The following HECA variants were observed in gnomAD, a reference collection of about 807,000 sequenced individuals.
The protein encoded by HECA is HECA ribonucleoprotein granule regulator.
HECA carries 13 observed loss-of-function variants against 37.6 expected under a neutral mutation model. That is an observed-to-expected ratio of 0.35 (90% CI 0.23 to 0.55). The LOEUF (loss-of-function observed/expected upper bound fraction) is 0.55. Among genes scored for constraint, HECA ranks in the 20% least tolerant of loss-of-function variants. The pLI is 0.90. For missense variants in HECA, 527 were observed against 701.9 expected (o/e 0.75, Z 2.82); for synonymous variants, 307 against 291.5 (o/e 1.05, Z -0.54).
At chr6:139,152,749 G>T (rs535656459) in intron 1 of HECA, among the ~76,000 whole-genome samples, 83 of 152,118 alleles carry the variant, frequency 5.5e-4, no homozygotes, top group African/African-American at 1.9e-3. Flanking sequence ...TTTATTTTTA[G>T]TAGAAAAAAG....
At position 139,157,210 on chromosome 6, in the gene HECA, G is replaced by C. The variant is rs1458554621; in HGVS notation, c.272-9074G>C. On this transcript the variant is annotated intron_variant, in intron 1 of 3. Transcript: ENST00000367658. The stretch of plus-strand genomic sequence containing the variant: ...GGCACTGGTGGGAGTGGAGCAGTGA[G>C]AATGACCAGAGGTCACTCTCGTCAC... 2.6e-5 allele frequency among the ~76,000 whole-genome samples: 4 copies of C among 152,198 alleles called. No homozygotes were observed. In the East Asian group the frequency reaches 7.7e-4, roughly 29 times the overall value.
intron 1 of HECA, among the ~76,000 whole-genome samples, chr6:139,137,631 C>CTTTTTTCTT (rs1774465436): frequency 8.1e-6 from 1 of 123,694 alleles, no homozygotes; most frequent in Admixed American, 8.5e-5. Flanking sequence ...CTACCAGCTC[C>CTTTTTTCTT]TTTTTTTTTT....
intron 1 of HECA, among the ~76,000 whole-genome samples, chr6:139,160,894 C>A (rs535309589): frequency 3.3e-4 from 51 of 152,278 alleles, no homozygotes; most frequent in African/African-American, 1.2e-3. Flanking sequence ...TGTACATGAG[C>A]TGAATAGGGC....
At chr6:139,144,147 TTCATTCATTAGATCC>T (rs1326099712) in intron 1 of HECA, 5 of 152,298 alleles carry the variant, frequency 3.3e-5, no homozygotes, top group Admixed American at 3.3e-4. Flanking sequence ...TAGATCCTCA[TTCATTCATTAGATCC>T]TCATTCATTA....
At chr6:139,156,565 G>A (rs1380211474) in intron 1 of HECA, among the ~76,000 whole-genome samples, 2 of 151,972 alleles carry the variant, frequency 1.3e-5, no homozygotes, top group African/African-American at 2.4e-5. Flanking sequence ...AAAACATCCT[G>A]GAAATCAGTA....
chr6:139,148,554 A>G (rs971647630), intron 1 of HECA, among the ~76,000 whole-genome samples: 5 of 152,184 alleles, frequency 3.3e-5, no homozygotes, highest in Non-Finnish European at 5.9e-5. Context: ...ACTTGAGGTC[A>G]AGAGTTTGAG....
rs1562248260 is a variant in HECA, at chr6:139,166,690, G to T, written c.678G>T (p.Arg226Ser). 1.2e-6 allele frequency: 2 copies of T among 1,612,608 alleles called. No individual in the cohort carries two copies. The highest frequency in any genetic ancestry group is 1.7e-6 in the Non-Finnish European group (2 of 1,179,334). ...CGGCGGAGGAGGCAAAAAAGTGCAG[G>T]CCCCCAAATAAGCCCCAGAAAGGCC... ...GEAAEEAKKCRPPNKPQKGPS... is the reference protein window; with the variant it reads ...GEAAEEAKKCSPPNKPQKGPS... The change falls in exon 2 of 4, where the codon AGG becomes AGT. Residue 226 changes from arginine (R) to serine (S), a missense_variant. Arg to Ser is a moderately radical substitution (Grantham distance 110). Around this residue, in one of 4 missense-constraint regions of HECA, gnomAD observed 228 missense variants for 259.8 expected, o/e 0.88. Transcript: ENST00000367658.
chr6:139,174,923 G>A (rs930342116), intron 3 of HECA, among the ~76,000 whole-genome samples: 4 of 152,070 alleles, frequency 2.6e-5, no homozygotes, highest in African/African-American at 9.7e-5. Context: ...CTAAGATTCT[G>A]TATGATTAGC....
rs115236862 is a variant in HECA, at chr6:139,146,329, G to T, written c.271+10662G>T. Reference sequence around the variant, plus strand: ...TAAGCATAGGTTTGATTATACTTTAGATCATGTCCCTTCAAGTTATAAAGT... The same window carrying T: ...TAAGCATAGGTTTGATTATACTTTATATCATGTCCCTTCAAGTTATAAAGT... On this transcript the variant is annotated intron_variant, in intron 1 of 3. Transcript: ENST00000367658. Among the ~76,000 whole-genome samples the T allele has an allele frequency of 4.3e-3, 654 of 152,258 alleles. 3 individuals carry two copies. The highest frequency in any genetic ancestry group is 0.015 in the African/African-American group (603 of 41,520).
At position 139,177,239 on chromosome 6, in the gene HECA, T is replaced by A; in HGVS notation, c.*134T>A. 1 of 590,458 alleles carries A rather than the reference T, an allele frequency of 1.7e-6. No individual in the cohort carries two copies. Among genetic ancestry groups the A allele is most frequent in the Non-Finnish European group, 2.9e-6 (1 of 339,376 alleles). The allele number at this position is 590,458 out of a possible 1,614,324, so 36.6% of individuals were successfully genotyped here. A position where few individuals can be genotyped will look rare whatever the true frequency, so the allele number is the denominator to read the frequency against. On this transcript the variant is annotated 3_prime_UTR_variant, in exon 4 of 4. Coordinates refer to ENST00000367658, the MANE Select transcript of HECA (RefSeq NM_016217.3). This position sits in a 1 kb window ranked among gnomAD's most constrained non-coding sequence, Gnocchi z 4.9. ...AGTTACTTTGTTGTATGTGTGCCAC[T>A]AAAATAGGGGCTGCCCTTGCCCTGT...
intron 1 of HECA, among the ~76,000 whole-genome samples, chr6:139,146,495 C>G (rs181928209): frequency 7.2e-5 from 11 of 152,288 alleles, no homozygotes; most frequent in Non-Finnish European, 1.3e-4. Flanking sequence ...AGGTAACACA[C>G]TAGTTGTTAT....
At chr6:139,164,078 A>ACTCTCT (rs1334773429) in intron 1 of HECA, among the ~76,000 whole-genome samples, 7 of 78,548 alleles carry the variant, frequency 8.9e-5, no homozygotes, top group Non-Finnish European at 1.9e-4. Flanking sequence ...ACACACACAC[A>ACTCTCT]CACTCTCTCT....
rs929063578 is a variant in HECA, at chr6:139,154,354, G to A, written c.272-11930G>A. Reference sequence around the variant, plus strand: ...CTTAGCTACCTGGAGAATGTGTGCTGCACCAAAACAGCATTCTGATTCACA... The same window carrying A: ...CTTAGCTACCTGGAGAATGTGTGCTACACCAAAACAGCATTCTGATTCACA... On this transcript the variant is annotated intron_variant, in intron 1 of 3. Transcript: ENST00000367658. Among the ~76,000 whole-genome samples the A allele has an allele frequency of 2.0e-5, 3 of 151,126 alleles. No homozygotes were observed. In the East Asian group the frequency reaches 5.8e-4, roughly 29 times the overall value.
chr6:139,167,922 T>A (rs772033736), intron 2 of HECA, among the ~76,000 whole-genome samples: 1 of 152,188 alleles, frequency 6.6e-6, no homozygotes, highest in Non-Finnish European at 1.5e-5. Flanking sequence ...AGCCATAAAT[T>A]GAATGACACG....
At chr6:139,149,364 T>C (rs907246777) in intron 1 of HECA, among the ~76,000 whole-genome samples, 1 of 152,236 alleles carries the variant, frequency 6.6e-6, no homozygotes, top group African/African-American at 2.4e-5. Context: ...AAAGTGAGCA[T>C]GACATGATAC....
chr6:139,153,566 G>T (rs1260024954), intron 1 of HECA, among the ~76,000 whole-genome samples: 1 of 151,930 alleles, frequency 6.6e-6, no homozygotes, highest in African/African-American at 2.4e-5. Flanking sequence ...GGGATTACAG[G>T]CACGTGCCAC....
rs1277597946 is a variant in HECA at position 139,177,841 on chromosome 6, G to C, written c.*736G>C. 1.3e-5 allele frequency: 2 copies of C among 152,182 alleles called. No individual in the cohort carries two copies. Among genetic ancestry groups the C allele is most frequent in the African/African-American group, 4.8e-5 (2 of 41,440 alleles). 9.4% of individuals were successfully genotyped at this position (152,182 alleles called of 1,614,324 possible). On this transcript the variant is annotated 3_prime_UTR_variant, in exon 4 of 4. Transcript: ENST00000367658. This position sits in a 1 kb window ranked among gnomAD's most constrained non-coding sequence, Gnocchi z 4.9. ...TCATTTAAATTGTGTCTTTGAAGTT[G>C]GTAATATAGCTTTTAAGGAGAACCC...
intron 1 of HECA, among the ~76,000 whole-genome samples, chr6:139,141,190 G>A (rs1774508793): frequency 6.6e-6 from 1 of 152,030 alleles, no homozygotes; most frequent in Admixed American, 6.6e-5. Flanking sequence ...AGCTTTCTTT[G>A]CCTTTCTGGT....
chr6:139,168,986 G>T (rs1774933519), intron 2 of HECA, among the ~76,000 whole-genome samples: 1 of 152,046 alleles, frequency 6.6e-6, no homozygotes. Context: ...CTCCATGAAG[G>T]TTTTAAGATT....
Sources: allele counts gnomAD v4.1 joint callset (sites outside exome capture counted in the v4.1 genomes callset), GRCh38; gene constraint gnomAD v4.1.1; regional missense constraint gnomAD v4.1.1; non-coding constraint Gnocchi (gnomAD v3.1); transcripts MANE v1.5; gene names NCBI Gene and HGNC (gene_info 2026-07-23, HGNC 2026-07-21).